The following EIF4E2 variants were observed in gnomAD, a reference collection of about 807,000 sequenced individuals.
The protein encoded by EIF4E2 is eukaryotic translation initiation factor 4E family member 2, also known as eukaryotic translation initiation factor 4E type 2.
In EIF4E2, 13 loss-of-function variants were observed where a neutral mutation model predicts 34.2. The ratio of observed to expected loss-of-function variants is 0.38; its 90% confidence interval spans 0.25 to 0.60. The LOEUF is 0.60. EIF4E2 is among the 20% of genes least tolerant of loss of function. EIF4E2 has a pLI of 0.62. For synonymous variants in EIF4E2, 100 were observed against 106.6 expected (o/e 0.94, Z 0.38); for missense variants, 222 against 315.1 (o/e 0.70, Z 2.24).
chr2:232,575,935 G>A (rs1044422632), intron 6 of EIF4E2, among the ~76,000 whole-genome samples: 2 of 152,124 alleles, frequency 1.3e-5, no homozygotes, highest in Admixed American at 6.5e-5. Context: ...GCTGGGCGCA[G>A]TGGCTCACGC....
At chr2:232,573,210 A>G (rs771396925), downstream of EIF4E2, among the ~76,000 whole-genome samples, 8 of 152,222 alleles carry the variant, frequency 5.3e-5, no homozygotes, top group African/African-American at 1.7e-4. Context: ...AGCTTTGGTA[A>G]TAATTCTCTG....
chr2:232,569,125 G>T lies in EIF4E2; in HGVS notation c.*108G>T. On this transcript the variant is annotated 3_prime_UTR_variant, in exon 7 of 7. Coordinates refer to ENST00000258416, the MANE Select transcript of EIF4E2 (RefSeq NM_004846.4). ...CCTTCTGTCCTGGACAAGAGGAATT[G>T]GAAGAGCATTTTATGTTTTAAGAAC... 1 of 1,517,856 alleles carries T rather than the reference G, an allele frequency of 6.6e-7. No homozygotes were observed. Among genetic ancestry groups the T allele is most frequent in the Non-Finnish European group, 8.8e-7 (1 of 1,131,168 alleles). 94.0% of individuals were successfully genotyped at this position (1,517,856 alleles called of 1,614,324 possible).
At chr2:232,571,278 T>C (rs1482451267), downstream of EIF4E2, among the ~76,000 whole-genome samples, 2 of 152,236 alleles carry the variant, frequency 1.3e-5, no homozygotes, top group African/African-American at 4.8e-5. Flanking sequence ...TTGCTGACAG[T>C]TCATTCACCC....
intron 1 of EIF4E2, among the ~76,000 whole-genome samples, chr2:232,552,530 A>G (rs1266014898): frequency 6.6e-6 from 1 of 152,144 alleles, no homozygotes; most frequent in Non-Finnish European, 1.5e-5. Context: ...TTTCTACTCT[A>G]ACAATTCTGT....
At chr2:232,568,468 T>C (rs1693009418) in intron 6 of EIF4E2, 2 of 985,240 alleles carry the variant, frequency 2.0e-6, no homozygotes, top group Admixed American at 6.1e-5. Context: ...TTTTTCTTAT[T>C]CTCTATTCTG....
intron 4 of EIF4E2, 83 bp downstream of exon 4, chr2:232,564,434 G>GTATTTTATTT (rs10603391): frequency 1.8e-4 from 96 of 529,026 alleles, no homozygotes; most frequent in African/African-American, 1.5e-3. Context: ...AAGGTTAAAA[G>GTATTTTATTT]TATTTTATTT....
intron 6 of EIF4E2, among the ~76,000 whole-genome samples, chr2:232,576,001 C>T (rs375868332): frequency 1.1e-4 from 16 of 152,070 alleles, no homozygotes; most frequent in African/African-American, 2.9e-4. Flanking sequence ...GTCAAGAGAT[C>T]GAGACCATCC....
intron 6 of EIF4E2, among the ~76,000 whole-genome samples, chr2:232,578,429 G>A (rs1304435685): frequency 1.2e-4 from 19 of 152,048 alleles, no homozygotes; most frequent in Admixed American, 1.2e-3. Flanking sequence ...TCAAGAGATC[G>A]AGACCATCCT....
At chr2:232,557,287 T>A (rs1692556303) in intron 2 of EIF4E2, among the ~76,000 whole-genome samples, 1 of 150,672 alleles carries the variant, frequency 6.6e-6, no homozygotes, top group Non-Finnish European at 1.5e-5. Flanking sequence ...CTAATTCATT[T>A]ATTCTACAAT....
chr2:232,551,023 G>T lies in EIF4E2; in HGVS notation c.20+279G>T, dbSNP rs189092737. 272 of 618,120 alleles carry T rather than the reference G, an allele frequency of 4.4e-4. 2 individuals carry two copies. In the African/African-American group the frequency reaches 4.7e-3, roughly 11 times the overall value. The allele number at this position is 618,120 out of a possible 1,614,324, so 38.3% of individuals were successfully genotyped here. ...GTAGGGGGAGATTTTCGGACGCCCC[G>T]CCCTGGTGGATGCGGATTGCCTGCG... is the stretch of plus-strand genomic sequence containing the variant. On this transcript the variant is annotated intron_variant, in intron 1 of 6. Coordinates refer to ENST00000258416, the MANE Select transcript of EIF4E2 (RefSeq NM_004846.4).
exon 7 of EIF4E2, chr2:232,583,462 A>G (rs914188229): frequency 1.4e-5 from 2 of 146,048 alleles, no homozygotes; most frequent in East Asian, 2.1e-4. Flanking sequence ...TGTGTTCCCT[A>G]TGATACTGGC....
chr2:232,583,117 A>G (rs1418435108), exon 7 of EIF4E2: 1 of 152,100 alleles, frequency 6.6e-6, no homozygotes, highest in African/African-American at 2.4e-5. Context: ...ATATGCTGAG[A>G]TGTGGCACGG....
At chr2:232,576,619 C>T (rs990367834) in intron 6 of EIF4E2, among the ~76,000 whole-genome samples, 1 of 152,062 alleles carries the variant, frequency 6.6e-6, no homozygotes, top group Non-Finnish European at 1.5e-5. Context: ...AAAAATTATT[C>T]TGAAAGTAGG....
At chr2:232,564,137 G>A (rs1692829122) in intron 3 of EIF4E2, 110 bp from the exon 4 acceptor site, 1 of 617,122 alleles carries the variant, frequency 1.6e-6, no homozygotes, top group Admixed American at 3.2e-5. Context: ...AGGACAGCCT[G>A]TAGTATAGTG....
chr2:232,573,569 A>G (rs904954199), downstream of EIF4E2, among the ~76,000 whole-genome samples: 3 of 152,162 alleles, frequency 2.0e-5, no homozygotes, highest in Non-Finnish European at 4.4e-5. Context: ...CTTCTGTCAC[A>G]TTTCTTATCC....
chr2:232,570,424 A>G (rs1254599351), downstream of EIF4E2, among the ~76,000 whole-genome samples: 1 of 152,184 alleles, frequency 6.6e-6, no homozygotes, highest in East Asian at 1.9e-4. Context: ...AAATTGTTAC[A>G]TACATTAACT....
intron 6 of EIF4E2, chr2:232,568,597 A>T: frequency 1.0e-6 from 1 of 985,406 alleles, no homozygotes; most frequent in Non-Finnish European, 1.2e-6. Context: ...CTTACCCCCA[A>T]AATAAGCTTT....
At chr2:232,575,284 A>T (rs1260887450) in intron 6 of EIF4E2, among the ~76,000 whole-genome samples, 1 of 152,244 alleles carries the variant, frequency 6.6e-6, no homozygotes, top group African/African-American at 2.4e-5. Context: ...GAGGGACAGC[A>T]GCAGGTGGCC....
rs1287741024 is a variant in EIF4E2, at chr2:232,566,086, C to G, written c.376-743C>G. 6.7e-6 allele frequency among the ~76,000 whole-genome samples: 1 copy of G among 149,218 alleles called. No homozygotes were observed. The highest frequency in any genetic ancestry group is 1.5e-5 in the Non-Finnish European group (1 of 67,450). ...CAGACTGGGTGACAGCGGGAGACTC[C>G]ATCGCAAAAAAGAAAAAAAAAAAAA... On this transcript the variant is annotated intron_variant, in intron 4 of 6. Coordinates refer to ENST00000258416, the MANE Select transcript of EIF4E2 (RefSeq NM_004846.4). This position sits in a 1 kb window ranked among gnomAD's most constrained non-coding sequence, Gnocchi z 4.9.
Sources: allele counts gnomAD v4.1 joint callset (sites outside exome capture counted in the v4.1 genomes callset), GRCh38; gene constraint gnomAD v4.1.1; non-coding constraint Gnocchi (gnomAD v3.1); transcripts MANE v1.5; gene names NCBI Gene and HGNC (gene_info 2026-07-23, HGNC 2026-07-21).